Variants in RTN3 observed in about 807,000 individuals in gnomAD.
RTN3 encodes reticulon 3.
RTN3 carries 49 observed loss-of-function variants against 77.8 expected under a neutral mutation model. The ratio of observed to expected loss-of-function variants is 0.63; its 90% confidence interval spans 0.50 to 0.80. The LOEUF (loss-of-function observed/expected upper bound fraction) is 0.80, where lower values mean the gene tolerates loss of function less well. RTN3 is among the 30% of genes least tolerant of loss of function. RTN3 has a pLI of 0.00. For missense variants in RTN3, 1,236 were observed against 1,211.9 expected (o/e 1.02, Z -0.29); for synonymous variants, 464 against 446.9 (o/e 1.04, Z -0.48).
chr11:63,691,557 C>G (rs753394102), intron 1 of RTN3, among the ~76,000 whole-genome samples: 12 of 152,062 alleles, frequency 7.9e-5, no homozygotes, highest in Non-Finnish European at 1.2e-4. Context: ...GTGCCTGTCC[C>G]AATCTTTCCT....
chr11:63,750,264 C>A, intron 4 of RTN3, 66 bp downstream of exon 4: 1 of 1,340,418 alleles, frequency 7.5e-7, no homozygotes, highest in South Asian at 1.3e-5. Flanking sequence ...GCTGATAGGT[C>A]TAAAACTCAG....
At chr11:63,754,925 CAAAAAAA>C (rs373589429) in intron 7 of RTN3, among the ~76,000 whole-genome samples, 18 of 96,946 alleles carry the variant, frequency 1.9e-4, no homozygotes, top group Admixed American at 1.1e-3. Context: ...GACTCTGTCT[CAAAAAAA>C]AAAAAAAAAA....
In RTN3 at chr11:63,719,007, C is replaced by T; in HGVS notation, c.505C>T (p.Leu169Phe). 6.2e-7 allele frequency: 1 copy of T among 1,614,156 alleles called. No individual in the cohort carries two copies. The highest frequency in any genetic ancestry group is 1.3e-5 in the African/African-American group (1 of 75,042). The change falls in exon 3 of 9, where the codon CTC becomes TTC. Residue 169 changes from leucine (L) to phenylalanine (F), a missense_variant. Transcript: ENST00000377819. Reference protein sequence around the residue: ...PASFPEHPAFLSKKIGQVEEQ... With the variant: ...PASFPEHPAFFSKKIGQVEEQ... ...CAGTTTCCCAGAGCATCCTGCTTTT[C>T]TCTCAAAGAAAATTGGTCAAGTGGA...
chr11:63,725,642 C>T (rs1437562251), intron 3 of RTN3, among the ~76,000 whole-genome samples: 2 of 151,956 alleles, frequency 1.3e-5, no homozygotes, highest in East Asian at 1.9e-4. Flanking sequence ...TTAGTAGAGT[C>T]GGGGTTTCAC....
chr11:63,701,047 G>A (rs375490807), intron 1 of RTN3, among the ~76,000 whole-genome samples: 3 of 145,982 alleles, frequency 2.1e-5, no homozygotes, highest in East Asian at 2.1e-4. Context: ...CCGAGATTGC[G>A]CCACTGCCCT....
At chr11:63,686,325 C>G (rs867378807) in intron 1 of RTN3, among the ~76,000 whole-genome samples, 3 of 151,938 alleles carry the variant, frequency 2.0e-5, no homozygotes, top group South Asian at 2.1e-4. Flanking sequence ...AAAAAATTAG[C>G]CGGGCGTGGT....
chr11:63,734,511 C>T (rs1467732056), intron 3 of RTN3, among the ~76,000 whole-genome samples: 3 of 151,802 alleles, frequency 2.0e-5, no homozygotes, highest in Middle Eastern at 3.2e-3. Flanking sequence ...CCGAGGTGAG[C>T]GGATCACTTG....
At chr11:63,705,887 C>A (rs1942470541) in intron 2 of RTN3, among the ~76,000 whole-genome samples, 1 of 152,178 alleles carries the variant, frequency 6.6e-6, no homozygotes, top group African/African-American at 2.4e-5. Context: ...CTATGTGCTT[C>A]ATCAATTTAT....
intron 3 of RTN3, among the ~76,000 whole-genome samples, chr11:63,729,038 A>C (rs1325356883): frequency 6.6e-6 from 1 of 152,108 alleles, no homozygotes; most frequent in East Asian, 1.9e-4. Flanking sequence ...CAACAGGGAA[A>C]AAAAACCTGT....
intron 2 of RTN3, among the ~76,000 whole-genome samples, chr11:63,715,395 G>C (rs542252380): frequency 6.6e-6 from 1 of 152,266 alleles, no homozygotes; most frequent in South Asian, 2.1e-4. Flanking sequence ...AGTGGCTCAT[G>C]CCTGTAATCC....
intron 1 of RTN3, among the ~76,000 whole-genome samples, chr11:63,690,071 T>C (rs1406533811): frequency 1.6e-4 from 24 of 152,138 alleles, no homozygotes; most frequent in Admixed American, 1.6e-3. Context: ...CAAAGAACTA[T>C]TCTTACCTGT....
rs757319175 is a variant in RTN3, at chr11:63,720,798, G to A, written c.2296G>A (p.Ala766Thr). 9.9e-6 allele frequency: 16 copies of A among 1,613,804 alleles called. No individual in the cohort carries two copies. The highest frequency in any genetic ancestry group is 7.7e-5 in the South Asian group (7 of 91,082). Reference protein sequence around the residue: ...VEKSTSAQRDAELPSEEVLKQ... With the variant: ...VEKSTSAQRDTELPSEEVLKQ... ...GAAGTCAACTTCTGCACAGCGTGACGCAGAATTGCCTTCTGAAGAAGTACT... is the reference window on the plus strand; with the variant it reads ...GAAGTCAACTTCTGCACAGCGTGACACAGAATTGCCTTCTGAAGAAGTACT... Residue 766 changes from alanine to threonine, a missense_variant, in exon 3 of 9, where the codon GCA becomes ACA. Ala to Thr is a moderately conservative substitution (Grantham distance 58, BLOSUM62 0). This residue lies in a region of RTN3 where 1,056 missense variants were observed against 990.4 expected (regional missense o/e 1.07). Coordinates refer to ENST00000377819, the MANE Select transcript of RTN3 (RefSeq NM_001265589.2).
intron 3 of RTN3, among the ~76,000 whole-genome samples, chr11:63,736,747 A>G (rs181856909): frequency 5.9e-5 from 9 of 152,300 alleles, no homozygotes; most frequent in African/African-American, 1.7e-4. Context: ...ATACCATGCT[A>G]TTTTATATAA....
chr11:63,731,726 C>T (rs1053811203), intron 3 of RTN3, among the ~76,000 whole-genome samples: 5 of 152,208 alleles, frequency 3.3e-5, no homozygotes, highest in Non-Finnish European at 7.3e-5. Context: ...AATCCCGGCT[C>T]ACTGCAACCT....
intron 3 of RTN3, among the ~76,000 whole-genome samples, chr11:63,740,278 T>G (rs1182116989): frequency 6.6e-6 from 1 of 151,496 alleles, no homozygotes; most frequent in Non-Finnish European, 1.5e-5. Flanking sequence ...AACCTCCCCA[T>G]CTTAGTTTCT....
At chr11:63,706,167 AT>A (rs879270987) in intron 2 of RTN3, among the ~76,000 whole-genome samples, 51 of 150,268 alleles carry the variant, frequency 3.4e-4, no homozygotes, top group African/African-American at 1.2e-3. Flanking sequence ...ATGGTAGGGA[AT>A]TTTTTTTTTA....
intron 3 of RTN3, among the ~76,000 whole-genome samples, chr11:63,743,505 G>T (rs1460472889): frequency 2.0e-5 from 3 of 152,116 alleles, no homozygotes; most frequent in Non-Finnish European, 4.4e-5. Flanking sequence ...GAATTATTTT[G>T]ATTATTGAAT....
At chr11:63,739,073 AT>A (rs2135003219) in intron 3 of RTN3, among the ~76,000 whole-genome samples, 1 of 152,334 alleles carries the variant, frequency 6.6e-6, no homozygotes, top group East Asian at 1.9e-4. Flanking sequence ...ATATGGCCAC[AT>A]TACAAAAGAT....
At chr11:63,733,945 GAC>G (rs1418332438) in intron 3 of RTN3, among the ~76,000 whole-genome samples, 1 of 151,574 alleles carries the variant, frequency 6.6e-6, no homozygotes, top group Admixed American at 6.6e-5. Context: ...TATACACACA[GAC>G]ACACATATAT....
Sources: allele counts gnomAD v4.1 joint callset (sites outside exome capture counted in the v4.1 genomes callset), GRCh38; gene constraint gnomAD v4.1.1; regional missense constraint gnomAD v4.1.1; transcripts MANE v1.5; gene names NCBI Gene and HGNC (gene_info 2026-07-23, HGNC 2026-07-21).